The following KIAA1217 variants were observed in gnomAD, a reference collection of about 807,000 sequenced individuals.
KIAA1217 encodes sickle tail protein homolog.
In KIAA1217, 88 loss-of-function variants were observed where a neutral mutation model predicts 163.9. That is an observed-to-expected ratio of 0.54 (90% confidence interval 0.45 to 0.64). The LOEUF (loss-of-function observed/expected upper bound fraction) is 0.64. KIAA1217 is among the 30% of genes least tolerant of loss of function. KIAA1217 has a pLI of 0.00. For missense variants in KIAA1217, 2,372 were observed against 2,475.0 expected (o/e 0.96, Z 0.88); for synonymous variants, 903 against 923.1 (o/e 0.98, Z 0.39).
intron 1 of KIAA1217, among the ~76,000 whole-genome samples, chr10:23,895,974 A>T (rs950059535): frequency 7.8e-5 from 10 of 127,878 alleles, no homozygotes; most frequent in Non-Finnish European, 6.2e-5. Flanking sequence ...GGGGAGCATC[A>T]CACACTGGGG....
chr10:23,769,430 C>G (rs912801635), intron 1 of KIAA1217, among the ~76,000 whole-genome samples: 1 of 152,154 alleles, frequency 6.6e-6, no homozygotes, highest in South Asian at 2.1e-4. Flanking sequence ...TTGTAGCCTC[C>G]GGCTTCATGA....
chr10:24,328,047 C>G (rs74337454), intron 2 of KIAA1217, among the ~76,000 whole-genome samples: 1 of 152,226 alleles, frequency 6.6e-6, no homozygotes, highest in South Asian at 2.1e-4. Context: ...CCAGGCTGAA[C>G]TACTCAGCAG....
At chr10:23,716,737 A>G (rs905909418) in intron 1 of KIAA1217, among the ~76,000 whole-genome samples, 1 of 152,180 alleles carries the variant, frequency 6.6e-6, no homozygotes, top group Admixed American at 6.6e-5. Context: ...GTGCATATTC[A>G]AATATATTTA....
intron 2 of KIAA1217, among the ~76,000 whole-genome samples, chr10:24,069,509 A>T (rs926741923): frequency 6.6e-6 from 1 of 152,168 alleles, no homozygotes; most frequent in African/African-American, 2.4e-5. Flanking sequence ...AAGTTGAAAT[A>T]TTGGATGTGT....
intron 2 of KIAA1217, among the ~76,000 whole-genome samples, chr10:24,153,167 G>A (rs2064702593): frequency 6.6e-6 from 1 of 152,134 alleles, no homozygotes; most frequent in Non-Finnish European, 1.5e-5. Flanking sequence ...TCGCTCCTGG[G>A]TTGATTGGCT....
chr10:24,503,867 G>A (rs1368513038), intron 9 of KIAA1217, among the ~76,000 whole-genome samples: 2 of 152,140 alleles, frequency 1.3e-5, no homozygotes, highest in Non-Finnish European at 2.9e-5. Flanking sequence ...CCTCCTCATT[G>A]CGCCCTTTAA....
At chr10:24,024,374 C>T (rs1252136046) in intron 2 of KIAA1217, among the ~76,000 whole-genome samples, 2 of 151,622 alleles carry the variant, frequency 1.3e-5, no homozygotes, top group Non-Finnish European at 3.0e-5. Flanking sequence ...TTCTTTCCCT[C>T]ATAACAATAC....
upstream of KIAA1217, among the ~76,000 whole-genome samples, chr10:24,205,540 G>A (rs777803590): frequency 7.9e-5 from 12 of 151,966 alleles, no homozygotes; most frequent in Middle Eastern, 0.01. Context: ...TTGGGAGCCC[G>A]AGGCAGGCAG....
chr10:24,235,514 C>T (rs1170976010), intron 2 of KIAA1217, among the ~76,000 whole-genome samples: 1 of 152,180 alleles, frequency 6.6e-6, no homozygotes, highest in East Asian at 1.9e-4. Context: ...CTACCTTTTT[C>T]ATGTTTGACA....
At chr10:24,370,406 C>G (rs1043059353) in intron 2 of KIAA1217, among the ~76,000 whole-genome samples, 2 of 152,076 alleles carry the variant, frequency 1.3e-5, no homozygotes, top group Non-Finnish European at 2.9e-5. Flanking sequence ...TTTCAAGCTT[C>G]CTGACATACA....
intron 1 of KIAA1217, among the ~76,000 whole-genome samples, chr10:23,724,760 T>G (rs753618404): frequency 6.6e-6 from 1 of 152,218 alleles, no homozygotes; most frequent in South Asian, 2.1e-4. Context: ...TTCATGTACA[T>G]TTTTTATTTC....
chr10:24,496,859 G>A (rs2066852773), intron 8 of KIAA1217, among the ~76,000 whole-genome samples: 1 of 152,190 alleles, frequency 6.6e-6, no homozygotes, highest in African/African-American at 2.4e-5. Flanking sequence ...AGGAGCCAGT[G>A]TCATTTCCTC....
At chr10:24,162,627 A>T (rs978204024) in intron 2 of KIAA1217, among the ~76,000 whole-genome samples, 1 of 152,224 alleles carries the variant, frequency 6.6e-6, no homozygotes, top group East Asian at 1.9e-4. Context: ...TGTTCTGCAC[A>T]AAAAATTGCC....
chr10:24,060,356 T>A (rs1050485000), intron 2 of KIAA1217, among the ~76,000 whole-genome samples: 19 of 152,198 alleles, frequency 1.2e-4, no homozygotes, highest in African/African-American at 4.3e-4. Context: ...ATTTTCTGAT[T>A]TCCCTTCTGG....
chr10:24,192,516 A>G (rs1391514998), intron 2 of KIAA1217, among the ~76,000 whole-genome samples: 2 of 152,218 alleles, frequency 1.3e-5, no homozygotes, highest in African/African-American at 2.4e-5. Context: ...TGTCATCCCC[A>G]TAAGGTTAAG....
intron 8 of KIAA1217, among the ~76,000 whole-genome samples, chr10:24,499,371 AG>A (rs1449819524): frequency 1.3e-5 from 2 of 152,322 alleles, no homozygotes; most frequent in East Asian, 3.9e-4. Context: ...TTTTGATTTG[AG>A]GGGTGGAGGA....
chr10:23,853,650 CT>C (rs1839482156), intron 1 of KIAA1217, among the ~76,000 whole-genome samples: 3 of 152,112 alleles, frequency 2.0e-5, no homozygotes, highest in African/African-American at 7.2e-5. Context: ...GTCCTGGACT[CT>C]TTTTAGTTGG....
At chr10:24,322,107 CCTGA>C (rs1286865349) in intron 2 of KIAA1217, among the ~76,000 whole-genome samples, 1 of 152,050 alleles carries the variant, frequency 6.6e-6, no homozygotes, top group Non-Finnish European at 1.5e-5. Flanking sequence ...TGCTATCACA[CCTGA>C]CTAATTATTA....
At chr10:24,221,432 T>C (rs1253653574) in intron 2 of KIAA1217, among the ~76,000 whole-genome samples, 1 of 152,212 alleles carries the variant, frequency 6.6e-6, no homozygotes, top group Non-Finnish European at 1.5e-5. Flanking sequence ...GTTTTAAGTC[T>C]GCTGTCTTCC....
Sources: gnomAD v4.1 joint callset for allele counts (sites outside exome capture counted in the v4.1 genomes callset) on GRCh38, gnomAD v4.1.1 for gene constraint, MANE v1.5 for transcripts, NCBI Gene and HGNC (gene_info 2026-07-23, HGNC 2026-07-21) for gene names.